Variants in KCNK10 observed in about 807,000 individuals in gnomAD.
KCNK10 encodes the protein potassium two pore domain channel subfamily K member 10, also known as potassium channel subfamily K member 10.
In KCNK10, 25 loss-of-function variants were observed where a neutral mutation model predicts 47.7. The ratio of observed to expected loss-of-function variants is 0.52; its 90% CI spans 0.38 to 0.73. KCNK10 has a LOEUF of 0.73. Among genes scored for constraint, KCNK10 ranks in the 30% least tolerant of loss-of-function variants. The pLI, the probability that KCNK10 is intolerant of heterozygous loss-of-function variation, is 0.00. For synonymous variants in KCNK10, 303 were observed against 285.6 expected, an observed-to-expected ratio of 1.06 and a Z score of -0.61; for missense variants, 563 against 714.5, an observed-to-expected ratio of 0.79 and a Z score of 2.42.
chr14:88,211,622 G>A (rs1885459497), intron 4 of KCNK10, among the ~76,000 whole-genome samples: 1 of 152,142 alleles, frequency 6.6e-6, no homozygotes, highest in Non-Finnish European at 1.5e-5. Flanking sequence ...TTCTGGCCAG[G>A]CGCGGTGGCT....
intron 1 of KCNK10, among the ~76,000 whole-genome samples, chr14:88,276,327 A>T (rs1053917794): frequency 1.2e-4 from 18 of 149,574 alleles, no homozygotes. Flanking sequence ...GCTGTCTGTC[A>T]ATCAGGTACC....
intron 1 of KCNK10, among the ~76,000 whole-genome samples, chr14:88,285,133 G>A (rs1457598350): frequency 6.6e-6 from 1 of 152,026 alleles, no homozygotes; most frequent in Non-Finnish European, 1.5e-5. Context: ...TGTTTTTGAG[G>A]TGGAGTCTCA....
chr14:88,264,747 C>T (rs940679552), intron 1 of KCNK10, among the ~76,000 whole-genome samples: 9 of 152,210 alleles, frequency 5.9e-5, no homozygotes, highest in African/African-American at 2.2e-4. Context: ...TTAAATTTCC[C>T]TCAGATTTAC....
rs1028227810 is a variant in KCNK10 at position 88,252,982 on chromosome 14, G to C, written c.402+10220C>G. ...TCTAAGCCCACCGTGTCAAGCCAAG[G>C]AGAGTACGATTAAGAGAGCGTGGCC... On this transcript the variant is annotated intron_variant, in intron 2 of 6. Coordinates refer to ENST00000319231, the MANE Select transcript of KCNK10 (RefSeq NM_138317.3). 2.6e-5 allele frequency among the ~76,000 whole-genome samples: 4 copies of C among 152,172 alleles called. No individual in the cohort carries two copies. In the South Asian group the frequency reaches 6.2e-4, roughly 24 times the overall value.
chr14:88,222,292 T>C (rs756956476), intron 4 of KCNK10, among the ~76,000 whole-genome samples: 1 of 152,140 alleles, frequency 6.6e-6, no homozygotes, highest in Non-Finnish European at 1.5e-5. Context: ...TTCTGGGAGA[T>C]ATAAGTTGAG....
intron 4 of KCNK10, among the ~76,000 whole-genome samples, chr14:88,200,367 T>A (rs1243177251): frequency 1.3e-5 from 2 of 152,050 alleles, no homozygotes; most frequent in Middle Eastern, 3.4e-3. Context: ...GAGAAAAAAA[T>A]TGGGGTACAG....
chr14:88,261,371 T>A (rs1239431609), intron 2 of KCNK10, among the ~76,000 whole-genome samples: 17 of 152,358 alleles, frequency 1.1e-4, no homozygotes, highest in Admixed American at 9.1e-4. Flanking sequence ...AATTGTTTAT[T>A]CCATTCTCTA....
intron 1 of KCNK10, among the ~76,000 whole-genome samples, chr14:88,292,419 G>A (rs1471870105): frequency 2.7e-5 from 4 of 148,348 alleles, no homozygotes; most frequent in Non-Finnish European, 6.0e-5. Flanking sequence ...GCGCGATCTC[G>A]GCTCAATATA....
intron 4 of KCNK10, among the ~76,000 whole-genome samples, chr14:88,207,028 T>C (rs931240215): frequency 1.3e-5 from 2 of 152,192 alleles, no homozygotes; most frequent in African/African-American, 4.8e-5. Context: ...TGAATACCAT[T>C]GGCAATAAGC....
chr14:88,279,898 A>G (rs1192678881), intron 1 of KCNK10, among the ~76,000 whole-genome samples: 1 of 151,654 alleles, frequency 6.6e-6, no homozygotes, highest in Non-Finnish European at 1.5e-5. Flanking sequence ...ATGAGATCTG[A>G]TGGGTTTATC....
chr14:88,325,506 C>T (rs146372753), upstream of KCNK10, among the ~76,000 whole-genome samples: 9 of 152,282 alleles, frequency 5.9e-5, no homozygotes, highest in East Asian at 1.5e-3. Context: ...GATAAAGAAA[C>T]ATTCCCAAGG....
intron 4 of KCNK10, among the ~76,000 whole-genome samples, chr14:88,220,526 A>G (rs1289748680): frequency 6.6e-6 from 1 of 151,196 alleles, no homozygotes; most frequent in East Asian, 1.9e-4. Context: ...TCAATGAACT[A>G]GAATAGAGAG....
At chr14:88,310,392 T>G (rs1032619728) in intron 1 of KCNK10, among the ~76,000 whole-genome samples, 2 of 151,942 alleles carry the variant, frequency 1.3e-5, no homozygotes, top group African/African-American at 4.8e-5. Flanking sequence ...ACTCACTCGC[T>G]AAGTGTTTAT....
chr14:88,256,452 C>T (rs1157632241), intron 2 of KCNK10, among the ~76,000 whole-genome samples: 2 of 152,078 alleles, frequency 1.3e-5, no homozygotes, highest in East Asian at 1.9e-4. Context: ...GCCCTAGTGT[C>T]TACTTAATAA....
intron 1 of KCNK10, among the ~76,000 whole-genome samples, chr14:88,300,645 G>C (rs1415333583): frequency 6.6e-6 from 1 of 152,144 alleles, no homozygotes; most frequent in Non-Finnish European, 1.5e-5. Flanking sequence ...TCATCACAAA[G>C]ACTGAGTTTT....
In KCNK10 at chr14:88,186,034, C is replaced by T. The variant is rs145338578; in HGVS notation, c.1133G>A (p.Arg378His). 3.7e-6 allele frequency: 6 copies of T among 1,613,386 alleles called. No individual in the cohort carries two copies. In the African/African-American group the frequency reaches 4.0e-5, roughly 11 times the overall value. The change falls in exon 7 of 7, where the codon CGC becomes CAC. Residue 378 changes from arginine (R) to histidine (H), a missense_variant. Coordinates refer to ENST00000319231, the MANE Select transcript of KCNK10 (RefSeq NM_138317.3). This position sits in a 1 kb window ranked among gnomAD's most constrained non-coding sequence, Gnocchi z 5.5. ...HDKLQRAATI[R>H]SMERRRLGLD... ...GCCCAGCCGCCGGCGCTCCATGCTG[C>T]GGATGGTGGCCGCCCGCTGCAGCTT...
At chr14:88,319,321 C>T (rs1888495186) in intron 1 of KCNK10, among the ~76,000 whole-genome samples, 1 of 152,188 alleles carries the variant, frequency 6.6e-6, no homozygotes, top group Admixed American at 6.5e-5. Flanking sequence ...ATTATAATTA[C>T]AACTGCCTTC....
intron 1 of KCNK10, among the ~76,000 whole-genome samples, chr14:88,315,914 C>T (rs544904020): frequency 7.8e-4 from 118 of 151,998 alleles, no homozygotes; most frequent in African/African-American, 2.6e-3. Context: ...AAAAGAAGGA[C>T]GGGAGGAATG....
At chr14:88,218,835 A>G (rs1885707194) in intron 4 of KCNK10, among the ~76,000 whole-genome samples, 1 of 152,166 alleles carries the variant, frequency 6.6e-6, no homozygotes, top group Admixed American at 6.5e-5. Flanking sequence ...ATCCAATGTC[A>G]GCCCTCCTTC....
Sources: allele counts gnomAD v4.1 joint callset (sites outside exome capture counted in the v4.1 genomes callset), GRCh38; gene constraint gnomAD v4.1.1; non-coding constraint Gnocchi (gnomAD v3.1); transcripts MANE v1.5; gene names NCBI Gene and HGNC (gene_info 2026-07-23, HGNC 2026-07-21).